Variants in NHS observed in about 807,000 individuals in gnomAD.
NHS encodes actin remodeling regulator NHS.
A neutral mutation model predicts 72.5 loss-of-function variants in NHS; 5 were observed. The ratio of observed to expected loss-of-function variants is 0.07; its 90% CI spans 0.04 to 0.14. The LOEUF (loss-of-function observed/expected upper bound fraction) is 0.14, where lower values mean the gene tolerates loss of function less well. Ranked by LOEUF, NHS falls within the 10% of genes least tolerant of loss-of-function variation. NHS has a pLI of 1.00. For synonymous variants in NHS, 464 were observed against 547.7 expected (o/e 0.85, Z 2.13); for missense variants, 1,072 against 1,355.7 (o/e 0.79, Z 3.29).
intron 1 of NHS, among the ~76,000 whole-genome samples, chrX:17,581,790 T>G (rs1259903824): frequency 8.9e-6 from 1 of 111,745 alleles, no homozygotes; most frequent in Non-Finnish European, 1.9e-5. Context: ...CAAGATCTCC[T>G]GCGAACGTTT....
chrX:17,686,845 C>G (rs2069016136), intron 1 of NHS: 1 of 111,601 alleles, frequency 9.0e-6, no homozygotes, highest in Admixed American at 9.5e-5. Flanking sequence ...ATTCCCGAGG[C>G]TGACAGGCTA....
At chrX:17,621,305 G>T (rs1036544799) in intron 1 of NHS, among the ~76,000 whole-genome samples, 1 of 112,097 alleles carries the variant, frequency 8.9e-6, no homozygotes, top group Non-Finnish European at 1.9e-5. Context: ...AAGCTCCGAG[G>T]AAGAGTGAGT....
chrX:17,707,254 A>ATCC (rs2066301877), intron 3 of NHS, among the ~76,000 whole-genome samples: 1 of 111,909 alleles, frequency 8.9e-6, no homozygotes, highest in African/African-American at 3.3e-5. Context: ...CTATGGCAAA[A>ATCC]GTTGATTTGG....
intron 1 of NHS, among the ~76,000 whole-genome samples, chrX:17,564,087 G>T (rs2065429269): frequency 9.0e-6 from 1 of 111,669 alleles, no homozygotes; most frequent in Non-Finnish European, 1.9e-5. Context: ...ACTTACAGAA[G>T]TACAATTACC....
At chrX:17,531,339 C>A (rs760624503) in intron 1 of NHS, among the ~76,000 whole-genome samples, 2 of 108,931 alleles carry the variant, frequency 1.8e-5, no homozygotes, top group South Asian at 4.2e-4. Context: ...GGGCCTCCCC[C>A]TCCCTCACTG....
At position 17,721,503 on chromosome X, in the gene NHS, A is replaced by T. The variant is rs1301763650; in HGVS notation, c.978A>T (p.Ile326=). The T allele has an allele frequency of 1.7e-6, 2 of 1,209,714 alleles. No homozygotes were observed. Among genetic ancestry groups the T allele is most frequent in the African/African-American group, 3.5e-5 (2 of 57,078 alleles). ...VMLGQRPKNP[I]HNIPSTLDKQ... ...TAGGGCAGAGGCCGAAAAACCCAAT[A>T]CACAATATCCCTTCCACACTGGACA... Residue 326 remains isoleucine (I), a synonymous_variant, in exon 5 of 9, where the codon ATA becomes ATT. Coordinates refer to ENST00000676302, the MANE Select transcript of NHS (RefSeq NM_001291867.2).
intron 1 of NHS, among the ~76,000 whole-genome samples, chrX:17,559,854 G>A (rs1344259300): frequency 4.5e-5 from 5 of 111,243 alleles, no homozygotes; most frequent in African/African-American, 1.3e-4. Flanking sequence ...TTCTCCCTGT[G>A]AGACTAAGCT....
intron 1 of NHS, among the ~76,000 whole-genome samples, chrX:17,632,758 C>T (rs1601808994): frequency 2.7e-5 from 3 of 111,949 alleles, no homozygotes; most frequent in African/African-American, 9.7e-5. Flanking sequence ...ATATAAAGTG[C>T]AATTACTGGC....
At chrX:17,467,300 C>T (rs1446524245) in intron 1 of NHS, among the ~76,000 whole-genome samples, 1 of 112,058 alleles carries the variant, frequency 8.9e-6, no homozygotes, top group Non-Finnish European at 1.9e-5. Context: ...GGGAGTTCAT[C>T]TAGTTTCCCA....
chrX:17,441,225 C>G (rs2064751935), intron 1 of NHS, among the ~76,000 whole-genome samples: 1 of 112,546 alleles, frequency 8.9e-6, no homozygotes. Flanking sequence ...TGGTGCTCTG[C>G]ACCTACCATC....
intron 1 of NHS, among the ~76,000 whole-genome samples, chrX:17,643,508 G>C (rs1440817169): frequency 1.8e-5 from 2 of 111,221 alleles, no homozygotes; most frequent in African/African-American, 6.5e-5. Flanking sequence ...CTGATCTGAA[G>C]GTGTAAAAAC....
At chrX:17,696,123 A>G (rs1183658740) in intron 3 of NHS, among the ~76,000 whole-genome samples, 3 of 111,788 alleles carry the variant, frequency 2.7e-5, no homozygotes, top group African/African-American at 9.8e-5. Context: ...AATGCACCAC[A>G]GAAACTACAG....
intron 1 of NHS, among the ~76,000 whole-genome samples, chrX:17,657,914 G>A (rs953097269): frequency 8.8e-6 from 1 of 113,043 alleles, no homozygotes; most frequent in Non-Finnish European, 1.9e-5. Flanking sequence ...GTTCATAGCA[G>A]CTGGGCTACT....
Position 17,725,364 on chromosome X carries a change from G to C in NHS, c.1258G>C (p.Val420Leu). ...QQEIDSDESP[V>L]ARERNVIVHT... is the part of the protein sequence containing the mutation. ...TGCCCTAGATTCTGATGAATCACCAGTGGCCAGGGAAAGGAATGTGATTGT... is the reference window on the plus strand; with the variant it reads ...TGCCCTAGATTCTGATGAATCACCACTGGCCAGGGAAAGGAATGTGATTGT... The change falls in exon 7 of 9, where the codon GTG (valine) becomes CTG (leucine). Residue 420 changes from valine (V) to leucine (L), a missense_variant. By Grantham distance (32) the Val-to-Leu change is conservative. Coordinates refer to ENST00000676302, the MANE Select transcript of NHS (RefSeq NM_001291867.2). The C allele has an allele frequency of 3.3e-6, 4 of 1,207,146 alleles. No individual in the cohort carries two copies. Among genetic ancestry groups the C allele is most frequent in the Middle Eastern group, 2.3e-4 (1 of 4,341 alleles).
intron 1 of NHS, among the ~76,000 whole-genome samples, chrX:17,567,879 G>A (rs1316985817): frequency 9.0e-6 from 1 of 111,088 alleles, no homozygotes; most frequent in East Asian, 2.8e-4. Context: ...GTTTAAAAGA[G>A]GGCAGAGGAG....
At chrX:17,581,112 A>C (rs2065541551) in intron 1 of NHS, among the ~76,000 whole-genome samples, 1 of 111,881 alleles carries the variant, frequency 8.9e-6, no homozygotes, top group South Asian at 3.8e-4. Context: ...ATGTGATCTC[A>C]AGGCTGTGAC....
At chrX:17,381,118 G>A (rs139796236) in intron 1 of NHS, among the ~76,000 whole-genome samples, 3,618 of 110,956 alleles carry the variant, frequency 0.033, 161 homozygotes, top group African/African-American at 0.11. Flanking sequence ...TGTGTTGAGA[G>A]CCTTCTGAGA....
intron 5 of NHS, among the ~76,000 whole-genome samples, chrX:17,723,061 T>C (rs1180319005): frequency 8.9e-6 from 1 of 111,984 alleles, no homozygotes; most frequent in African/African-American, 3.2e-5. Context: ...ATTACTAAGA[T>C]CAGAATGAAG....
rs141765549 is a variant in NHS at position 17,549,906 on chromosome X, G to T, written c.566-137836G>T. ...ATGGGGGGACTTGAACAGGCCCCTT[G>T]GGTCAAGAAGGGATGTCTTTTAGAG... On this transcript the variant is annotated intron_variant, in intron 1 of 8. Transcript: ENST00000676302. Among the ~76,000 whole-genome samples, 315 of 111,417 alleles carry T rather than the reference G, an allele frequency of 2.8e-3. 2 individuals carry two copies. Among genetic ancestry groups the T allele is most frequent in the African/African-American group, 9.8e-3 (300 of 30,668 alleles).
Sources: allele counts gnomAD v4.1 joint callset (sites outside exome capture counted in the v4.1 genomes callset), GRCh38; gene constraint gnomAD v4.1.1; transcripts MANE v1.5; gene names NCBI Gene and HGNC (gene_info 2026-07-23, HGNC 2026-07-21).